Variants in RSPH6A observed in about 807,000 individuals in gnomAD.
RSPH6A encodes the protein radial spoke head 6 homolog A.
A neutral mutation model predicts 66.1 loss-of-function variants in RSPH6A; 49 were observed. The ratio of observed to expected loss-of-function variants is 0.74; its 90% CI spans 0.59 to 0.94. The LOEUF is 0.94. Among genes scored for constraint, RSPH6A ranks in the 40% least tolerant of loss-of-function variants. RSPH6A has a pLI of 0.00. For synonymous variants in RSPH6A, 419 were observed against 402.4 expected (o/e 1.04, Z -0.49); for missense variants, 977 against 948.3 (o/e 1.03, Z -0.40).
chr19:45,812,539 G>A (rs1368300048), intron 1 of RSPH6A, among the ~76,000 whole-genome samples: 1 of 152,124 alleles, frequency 6.6e-6, no homozygotes, highest in African/African-American at 2.4e-5. Flanking sequence ...ACTTTGGCTA[G>A]GGCTTCTCAG....
At chr19:45,809,408 C>T (rs919581790) in intron 2 of RSPH6A, among the ~76,000 whole-genome samples, 8 of 149,726 alleles carry the variant, frequency 5.3e-5, no homozygotes, top group African/African-American at 2.0e-4. Context: ...AGTTTCACGC[C>T]ATTCTCCTGC....
At chr19:45,800,107 C>T (rs927983234) in intron 5 of RSPH6A, among the ~76,000 whole-genome samples, 26 of 152,180 alleles carry the variant, frequency 1.7e-4, no homozygotes, top group South Asian at 6.2e-4. Flanking sequence ...ACCCCAGGGA[C>T]GGAGTTAGCT....
intron 5 of RSPH6A, among the ~76,000 whole-genome samples, chr19:45,800,130 G>T (rs988707497): frequency 2.6e-5 from 4 of 152,216 alleles, no homozygotes; most frequent in Non-Finnish European, 4.4e-5. Context: ...TCCAGAGAGG[G>T]ATTCTGCTGC....
chr19:45,800,055 C>A (rs1056341584), intron 5 of RSPH6A, among the ~76,000 whole-genome samples: 2 of 152,034 alleles, frequency 1.3e-5, no homozygotes, highest in Non-Finnish European at 2.9e-5. Flanking sequence ...CCATCTCAAA[C>A]AAAACAAAAC....
intron 5 of RSPH6A, among the ~76,000 whole-genome samples, chr19:45,797,998 G>C (rs1177200142): frequency 3.9e-5 from 6 of 152,156 alleles, no homozygotes; most frequent in Non-Finnish European, 8.8e-5. Flanking sequence ...ACTAGAGAAG[G>C]AAGAGGAATA....
chr19:45,806,469 G>A (rs1053321728), intron 2 of RSPH6A, among the ~76,000 whole-genome samples: 2 of 151,898 alleles, frequency 1.3e-5, no homozygotes, highest in South Asian at 2.1e-4. Context: ...TCAGGAGATC[G>A]AGACCATCCT....
intron 1 of RSPH6A, 70 bp from the exon 2 acceptor site, chr19:45,810,910 G>A: frequency 1.5e-6 from 2 of 1,342,052 alleles, no homozygotes; most frequent in Non-Finnish European, 2.1e-6. Context: ...GCTCCCATGT[G>A]CCTGGCCCTG....
Position 45,804,411 on chromosome 19 carries a change from G to C in RSPH6A, c.1494C>G (p.Gly498=). ...CCTCCTCCTCACTAAACTGGTAGAA[G>C]CCCAGCGGGCTGACCTGCGTGGCGG... ...ISAATQVSPL[G]FYQFSEEEGD... The change falls in exon 3 of 6, where the codon GGC becomes GGG. Residue 498 remains glycine (G), a synonymous_variant. Transcript: ENST00000221538. This position sits in a 1 kb window ranked among gnomAD's most constrained non-coding sequence, Gnocchi z 5.8. The C allele has an allele frequency of 3.1e-6, 5 of 1,614,082 alleles. No homozygotes were observed. Among genetic ancestry groups the C allele is most frequent in the Non-Finnish European group, 4.2e-6 (5 of 1,180,020 alleles).
In RSPH6A at chr19:45,804,771, C is replaced by T. The variant is rs757112396; in HGVS notation, c.1134G>A (p.Thr378=). 9 of 1,612,618 alleles carry T rather than the reference C, an allele frequency of 5.6e-6. No individual in the cohort carries two copies. The highest frequency in any genetic ancestry group is 4.0e-5 in the African/African-American group (3 of 74,754). Residue 378 remains threonine, a synonymous_variant, in exon 3 of 6, where the codon ACG becomes ACA. Transcript: ENST00000221538. The surrounding 1 kb of genome is among the most constrained non-coding windows in gnomAD (Gnocchi z 5.8). ...EAEEEEVEEM[T]EGGEVMEAHG... The stretch of plus-strand genomic sequence containing the variant: ...GCGCCTCCATGACCTCGCCACCTTC[C>T]GTCATCTCCTCCACCTCCTCCTCCT...
intron 2 of RSPH6A, among the ~76,000 whole-genome samples, chr19:45,806,446 G>C (rs752682063): frequency 5.3e-5 from 8 of 151,958 alleles, no homozygotes; most frequent in Non-Finnish European, 5.9e-5. Context: ...GCCAAGGCAG[G>C]GAAATCACAA....
intron 2 of RSPH6A, among the ~76,000 whole-genome samples, chr19:45,808,623 TA>T (rs1377668131): frequency 6.8e-6 from 1 of 146,118 alleles, no homozygotes; most frequent in Non-Finnish European, 1.5e-5. Flanking sequence ...AATAATAAAA[TA>T]AAATTATAGA....
At chr19:45,814,451 G>T in intron 1 of RSPH6A, 76 bp downstream of exon 1, 1 of 1,354,580 alleles carries the variant, frequency 7.4e-7, no homozygotes, top group Non-Finnish European at 9.8e-7. Context: ...TTGTCTGACT[G>T]ACTGAGGCAG....
In RSPH6A at chr19:45,796,083, C is replaced by T. The variant is rs763191576; in HGVS notation, c.1940G>A (p.Gly647Asp). Residue 647 changes from glycine to aspartate, a missense_variant, in exon 6 of 6, where the codon GGC becomes GAC. Coordinates refer to ENST00000221538, the MANE Select transcript of RSPH6A (RefSeq NM_030785.4). Reference protein sequence around the residue: ...SGKKFENIYIGWGHKYSPESF... With the variant: ...SGKKFENIYIDWGHKYSPESF... ...CTCGGGGCTGTACTTGTGACCCCAG[C>T]CGATGTAGATGTTCTCAAACTTTCT... 2 of 1,589,882 alleles carry T rather than the reference C, an allele frequency of 1.3e-6. No homozygotes were observed. Among genetic ancestry groups the T allele is most frequent in the South Asian group, 2.3e-5 (2 of 88,812 alleles).
In RSPH6A at chr19:45,807,742, C is replaced by T. The variant is rs548483701; in HGVS notation, c.889-2726G>A. Among the ~76,000 whole-genome samples the T allele has an allele frequency of 2.4e-4, 36 of 151,630 alleles. No homozygotes were observed. In the South Asian group the frequency reaches 7.3e-3, roughly 31 times the overall value. On this transcript the variant is annotated intron_variant, in intron 2 of 5. Coordinates refer to ENST00000221538, the MANE Select transcript of RSPH6A (RefSeq NM_030785.4). ...GCCATGCTGGTCTCGAACTCCTGACCTCAGGTGATCTGCCCGCTTTGGCCT... is the reference window on the plus strand; with the variant it reads ...GCCATGCTGGTCTCGAACTCCTGACTTCAGGTGATCTGCCCGCTTTGGCCT...
At position 45,815,083 on chromosome 19, in the gene RSPH6A, G is replaced by A; in HGVS notation, c.94C>T (p.Gln32Ter). The change falls in exon 1 of 6, where the codon CAA becomes TAA. Residue 32 changes from glutamine to a stop codon, truncating the protein, a stop_gained. Coordinates refer to ENST00000221538, the MANE Select transcript of RSPH6A (RefSeq NM_030785.4). LOFTEE classifies it high-confidence loss of function. ...QASQRRHSRD[Q>*]AQALAADPEE... The stretch of plus-strand genomic sequence containing the variant: ...GGGTCCGCTGCCAGGGCCTGAGCTT[G>A]GTCCCGACTGTGCCGCCTCTGGGAG... 6.2e-7 allele frequency: 1 copy of A among 1,613,366 alleles called. No individual in the cohort carries two copies. Among genetic ancestry groups the A allele is most frequent in the Non-Finnish European group, 8.5e-7 (1 of 1,180,028 alleles).
At chr19:45,810,934 G>A (rs1568601483) in intron 1 of RSPH6A, 94 bp from the exon 2 acceptor site, 1 of 945,574 alleles carries the variant, frequency 1.1e-6, no homozygotes, top group Non-Finnish European at 1.6e-6. Flanking sequence ...CTGGTGCTGG[G>A]GACACAGTAG....
rs200731142 is a variant in RSPH6A, at chr19:45,802,030, G to A, written c.1798+90C>T. ...CCTCTGAGCCTGGGAGGGAAGGACC[G>A]GGGAGATGGACCCCAGCAGTCCAGC... On this transcript the variant is annotated intron_variant, in intron 4 of 5. Coordinates refer to ENST00000221538, the MANE Select transcript of RSPH6A (RefSeq NM_030785.4). 3,396 of 1,268,114 alleles carry A rather than the reference G, an allele frequency of 2.7e-3. 14 individuals carry two copies. Among genetic ancestry groups the A allele is most frequent in the Non-Finnish European group, 2.4e-3 (2,333 of 977,274 alleles). 78.6% of individuals were successfully genotyped at this position (1,268,114 alleles called of 1,614,324 possible).
intron 3 of RSPH6A, among the ~76,000 whole-genome samples, chr19:45,803,041 TACTA>T (rs1970493140): frequency 6.6e-6 from 1 of 150,762 alleles, no homozygotes; most frequent in Non-Finnish European, 1.5e-5. Flanking sequence ...ACCCCATCTC[TACTA>T]AAACTACAAA....
At chr19:45,803,558 C>T (rs1970498599) in intron 3 of RSPH6A, among the ~76,000 whole-genome samples, 1 of 152,006 alleles carries the variant, frequency 6.6e-6, no homozygotes, top group Non-Finnish European at 1.5e-5. Context: ...TGCCTGTAAT[C>T]CCAGCTACTT....
Sources: allele counts gnomAD v4.1 joint callset (sites outside exome capture counted in the v4.1 genomes callset), GRCh38; gene constraint gnomAD v4.1.1; non-coding constraint Gnocchi (gnomAD v3.1); transcripts MANE v1.5; gene names NCBI Gene and HGNC (gene_info 2026-07-23, HGNC 2026-07-21).